The following PHF21A variants were observed in gnomAD, a reference collection of about 807,000 sequenced individuals.
PHF21A encodes PHD finger protein 21A, also known as BHC80a.
In PHF21A, 11 loss-of-function variants were observed where a neutral mutation model predicts 82.5. That is an observed-to-expected ratio of 0.13 (90% CI 0.08 to 0.22). PHF21A has a LOEUF of 0.22. Ranked by LOEUF, PHF21A falls within the 10% of genes least tolerant of loss-of-function variation. The pLI is 1.00. For synonymous variants in PHF21A, 297 were observed against 302.8 expected, an observed-to-expected ratio of 0.98 and a Z score of 0.20; for missense variants, 579 against 837.8, an observed-to-expected ratio of 0.69 and a Z score of 3.81.
intron 1 of PHF21A, chr11:46,118,907 C>T (rs565377498): frequency 2.0e-5 from 3 of 151,988 alleles, no homozygotes; most frequent in Non-Finnish European, 4.4e-5. Flanking sequence ...GAGTGAACAC[C>T]AGATGTAAAC....
At chr11:46,016,258 C>A (rs553887964) in intron 6 of PHF21A, among the ~76,000 whole-genome samples, 1 of 152,262 alleles carries the variant, frequency 6.6e-6, no homozygotes, top group African/African-American at 2.4e-5. Flanking sequence ...GTAGAACAAT[C>A]TTTCTCAAAA....
At chr11:46,062,737 C>T (rs888131906) in intron 6 of PHF21A, among the ~76,000 whole-genome samples, 2 of 152,128 alleles carry the variant, frequency 1.3e-5, no homozygotes, top group Non-Finnish European at 2.9e-5. Flanking sequence ...TAAAATAGTA[C>T]AATCACTTTG....
chr11:46,071,648 A>G (rs1034425263), intron 6 of PHF21A, among the ~76,000 whole-genome samples: 2 of 152,166 alleles, frequency 1.3e-5, no homozygotes, highest in African/African-American at 4.8e-5. Context: ...GTCATCACAC[A>G]TCTAGGAATT....
chr11:45,989,039 A>T (rs2094587071), intron 6 of PHF21A, among the ~76,000 whole-genome samples: 1 of 152,196 alleles, frequency 6.6e-6, no homozygotes, highest in African/African-American at 2.4e-5. Flanking sequence ...TTACTTTCTG[A>T]CAAGACACCC....
In PHF21A at chr11:45,945,966, T is replaced by A; in HGVS notation, c.1326A>T (p.Gly442=). The A allele has an allele frequency of 1.2e-6, 2 of 1,613,486 alleles. No homozygotes were observed. The highest frequency in any genetic ancestry group is 1.7e-6 in the Non-Finnish European group (2 of 1,179,780). Residue 442 remains glycine (G), a synonymous_variant, in exon 15 of 19, where the codon GGA becomes GGT. Transcript: ENST00000676320. Reference sequence around the variant, plus strand: ...ATTGGGGGGATGTTGGGGTAAGGGCTCCAAACCCCAGCACTGCATTGTATT... The same window carrying A: ...ATTGGGGGGATGTTGGGGTAAGGGCACCAAACCCCAGCACTGCATTGTATT... ...PPKYNAVLGF[G]ALTPTSPQSS...
rs1258468309 is a variant in PHF21A, at chr11:45,930,288, G to C, written c.*3680C>G. ...CACGGTCACCCTCACGGAAACAGCT[G>C]TGTGTAACCACCTCCATGCACGCTG... On this transcript the variant is annotated 3_prime_UTR_variant, in exon 19 of 19. Coordinates refer to ENST00000676320, the MANE Select transcript of PHF21A (RefSeq NM_001352027.3). 1 of 152,284 alleles carries C rather than the reference G, an allele frequency of 6.6e-6. No homozygotes were observed. The allele number at this position is 152,284 out of a possible 1,614,324, so 9.4% of individuals were successfully genotyped here.
chr11:46,011,589 T>C (rs1254507799), intron 6 of PHF21A, among the ~76,000 whole-genome samples: 3 of 152,228 alleles, frequency 2.0e-5, no homozygotes, highest in Non-Finnish European at 4.4e-5. Flanking sequence ...TTTCAAGACA[T>C]GTCCCACTTG....
At chr11:46,014,562 ACTTTTATT>A (rs1003403805) in intron 6 of PHF21A, among the ~76,000 whole-genome samples, 18 of 152,124 alleles carry the variant, frequency 1.2e-4, no homozygotes, top group African/African-American at 4.3e-4. Context: ...TGGTAGTTTT[ACTTTTATT>A]CTTTCATTAA....
intron 6 of PHF21A, among the ~76,000 whole-genome samples, chr11:46,055,830 G>A (rs984777130): frequency 2.0e-5 from 3 of 151,964 alleles, no homozygotes; most frequent in Admixed American, 6.6e-5. Flanking sequence ...ATTTTTAAAC[G>A]CTCAACATAT....
intron 1 of PHF21A, among the ~76,000 whole-genome samples, chr11:46,102,631 T>A (rs1210160475): frequency 6.6e-6 from 1 of 152,218 alleles, no homozygotes; most frequent in Non-Finnish European, 1.5e-5. Context: ...TGCCTCTTCC[T>A]CAACTTTGCC....
intron 1 of PHF21A, among the ~76,000 whole-genome samples, chr11:46,099,616 C>T (rs1419112060): frequency 6.6e-6 from 1 of 151,680 alleles, no homozygotes; most frequent in Non-Finnish European, 1.5e-5. Flanking sequence ...CTTGAAGGGG[C>T]TTAAAAAATG....
At chr11:45,936,861 C>T (rs2089196528) in intron 16 of PHF21A, 1 of 287,782 alleles carries the variant, frequency 3.5e-6, no homozygotes, top group East Asian at 7.2e-5. Context: ...GACACCCAAC[C>T]ACTCCCGACA....
chr11:45,934,043 G>T lies in PHF21A; in HGVS notation c.1971C>A (p.Ala657=). 6.2e-7 allele frequency: 1 copy of T among 1,613,586 alleles called. No individual in the cohort carries two copies. The highest frequency in any genetic ancestry group is 2.2e-5 in the East Asian group (1 of 44,874). ...GPDCTPPANA[A]TSTPAPSPSS... ...AGGGGGAAGGGGCCGGCGTGGAGGT[G>T]GCGGCATTGGCAGGGGGGGTGCAGT... Residue 657 remains alanine (A), a synonymous_variant, in exon 19 of 19, where the codon GCC becomes GCA. Coordinates refer to ENST00000676320, the MANE Select transcript of PHF21A (RefSeq NM_001352027.3).
At chr11:46,099,562 A>C (rs949049839) in intron 1 of PHF21A, among the ~76,000 whole-genome samples, 6 of 145,922 alleles carry the variant, frequency 4.1e-5, no homozygotes, top group Admixed American at 1.4e-4. Context: ...ACACACACAC[A>C]CCCTAAACAC....
At chr11:46,009,755 A>G (rs1345633396) in intron 6 of PHF21A, among the ~76,000 whole-genome samples, 2 of 152,172 alleles carry the variant, frequency 1.3e-5, no homozygotes, top group Non-Finnish European at 2.9e-5. Flanking sequence ...GCACAATACA[A>G]TTAATATAAT....
Position 46,063,566 on chromosome 11 carries a change from C to T in PHF21A, c.153+13188G>A, listed in dbSNP as rs148474957. Among the ~76,000 whole-genome samples, 13 of 152,268 alleles carry T rather than the reference C, an allele frequency of 8.5e-5. No individual in the cohort carries two copies. In the East Asian group the frequency reaches 2.5e-3, roughly 29 times the overall value. On this transcript the variant is annotated intron_variant, in intron 6 of 18. Coordinates refer to ENST00000676320, the MANE Select transcript of PHF21A (RefSeq NM_001352027.3). ...TGCCCAGGTTCAAGCCATAGTTTTA[C>T]CAATCCCTGCCCTACAGAATCATAC...
chr11:45,967,383 A>T (rs2093503551), intron 9 of PHF21A, among the ~76,000 whole-genome samples: 1 of 151,726 alleles, frequency 6.6e-6, no homozygotes, highest in Non-Finnish European at 1.5e-5. Flanking sequence ...AAAAAAAAAA[A>T]ATCCCTTATT....
chr11:46,050,801 G>A (rs1053469858), intron 6 of PHF21A, among the ~76,000 whole-genome samples: 2 of 152,156 alleles, frequency 1.3e-5, no homozygotes, highest in Admixed American at 6.5e-5. Flanking sequence ...GGCATTGTTC[G>A]AGACAAAGGA....
intron 2 of PHF21A, among the ~76,000 whole-genome samples, chr11:46,091,744 T>C (rs940095496): frequency 6.6e-6 from 1 of 152,186 alleles, no homozygotes; most frequent in East Asian, 1.9e-4. Flanking sequence ...GATGAGGGTC[T>C]CGTTTTGTTG....
Sources: allele counts gnomAD v4.1 joint callset (sites outside exome capture counted in the v4.1 genomes callset), GRCh38; gene constraint gnomAD v4.1.1; transcripts MANE v1.5; gene names NCBI Gene and HGNC (gene_info 2026-07-23, HGNC 2026-07-21).